Variants in CTNNBIP1 observed in about 807,000 individuals in gnomAD.
The protein encoded by CTNNBIP1 is catenin beta interacting protein 1, also known as beta-catenin-interacting protein 1.
In CTNNBIP1, 7 loss-of-function variants were observed where a neutral mutation model predicts 11.8. The observed-to-expected ratio is 0.60, with a 90% CI of 0.34 to 1.12. CTNNBIP1 has a LOEUF of 1.12. Ranked by LOEUF, CTNNBIP1 falls within the 50% of genes most tolerant of loss-of-function variation. The pLI is 0.03. For missense variants in CTNNBIP1, 101 were observed against 113.4 expected, an observed-to-expected ratio of 0.89 and a Z score of 0.50; for synonymous variants, 58 against 43.9, an observed-to-expected ratio of 1.32 and a Z score of -1.26.
Position 9,871,203 on chromosome 1 carries a change from C to A in CTNNBIP1, c.171G>T (p.Pro57=), listed in dbSNP as rs1365621139. ...CCAACTCACCCTGGTCGATGGAGTG[C>A]GGAGGCAGCTGGCTGAGCTGGCTGT... ...VVNSQLSQLP[P]HSIDQGAEDV... Residue 57 remains proline, a synonymous_variant, in exon 5 of 6, where the codon CCG becomes CCT. Coordinates refer to ENST00000377263, the MANE Select transcript of CTNNBIP1 (RefSeq NM_020248.3). The surrounding 1 kb of genome is among the most constrained non-coding windows in gnomAD (Gnocchi z 5.2). The A allele has an allele frequency of 6.3e-7, 1 of 1,576,536 alleles. No homozygotes were observed. Among genetic ancestry groups the A allele is most frequent in the South Asian group, 1.2e-5 (1 of 85,734 alleles).
intron 1 of CTNNBIP1, among the ~76,000 whole-genome samples, chr1:9,887,773 C>G (rs1639215390): frequency 6.6e-6 from 1 of 152,044 alleles, no homozygotes; most frequent in Non-Finnish European, 1.5e-5. Flanking sequence ...AACCCACTGC[C>G]AATCAGAGAT....
At chr1:9,874,631 C>T (rs759784386) in intron 3 of CTNNBIP1, among the ~76,000 whole-genome samples, 1 of 152,198 alleles carries the variant, frequency 6.6e-6, no homozygotes, top group Non-Finnish European at 1.5e-5. Context: ...AAGGCCAGGG[C>T]CCCCTCTGCT....
In CTNNBIP1 at chr1:9,899,023, G is replaced by A. The variant is rs554051250; in HGVS notation, c.-144+11072C>T. On this transcript the variant is annotated intron_variant, in intron 1 of 5. Coordinates refer to ENST00000377263, the MANE Select transcript of CTNNBIP1 (RefSeq NM_020248.3). ...CGTAGGTTTTTGGGGAACAGGTGGT[G>A]TTTGGTTACATGAGTAAGTTCTTTA... Among the ~76,000 whole-genome samples the A allele has an allele frequency of 3.3e-5, 5 of 152,262 alleles. No homozygotes were observed. The South Asian group carries it at 6.2e-4, about 19-fold the overall frequency.
chr1:9,862,840 TGG>T (rs1024199300), intron 5 of CTNNBIP1, among the ~76,000 whole-genome samples: 3 of 152,114 alleles, frequency 2.0e-5, no homozygotes, highest in African/African-American at 7.2e-5. Context: ...TGCTGAGGGG[TGG>T]CACCGTGCCT....
chr1:9,882,369 C>T lies in CTNNBIP1; in HGVS notation c.-110+1336G>A, dbSNP rs140974282. Among the ~76,000 whole-genome samples the T allele has an allele frequency of 5.5e-4, 84 of 152,288 alleles. 2 individuals are homozygous for T. The highest frequency in any genetic ancestry group is 7.8e-4 in the Admixed American group (12 of 15,296). On this transcript the variant is annotated intron_variant, in intron 2 of 5. Coordinates refer to ENST00000377263, the MANE Select transcript of CTNNBIP1 (RefSeq NM_020248.3). ...GGAGACAGACACCAGTCAAGTCACC[C>T]AGATCAATGATCTCAGACACTGAGA...
chr1:9,871,310 C>G lies in CTNNBIP1; in HGVS notation c.97-33G>C. On this transcript the variant is annotated intron_variant, in intron 4 of 5. Coordinates refer to ENST00000377263, the MANE Select transcript of CTNNBIP1 (RefSeq NM_020248.3). The surrounding 1 kb of genome is among the most constrained non-coding windows in gnomAD (Gnocchi z 5.2). ...GTGAGAGAGCTGTGGTGAGGGGCAGCATGCACCTGTTCCCTGAAAGGCACC... is the reference window on the plus strand; with the variant it reads ...GTGAGAGAGCTGTGGTGAGGGGCAGGATGCACCTGTTCCCTGAAAGGCACC... 6.7e-7 allele frequency: 1 copy of G among 1,491,364 alleles called. No individual in the cohort carries two copies. The highest frequency in any genetic ancestry group is 9.1e-7 in the Non-Finnish European group (1 of 1,094,028). 92.4% of individuals were successfully genotyped at this position (1,491,364 alleles called of 1,614,324 possible). A position where few individuals can be genotyped will look rare whatever the true frequency, so the allele number is the denominator to read the frequency against.
At chr1:9,858,382 CCA>C (rs1638552840) in intron 5 of CTNNBIP1, among the ~76,000 whole-genome samples, 1 of 152,174 alleles carries the variant, frequency 6.6e-6, no homozygotes, top group South Asian at 2.1e-4. Flanking sequence ...CCTGCAGGAC[CCA>C]CACACGCTGG....
At chr1:9,887,576 G>A (rs761146994) in intron 1 of CTNNBIP1, among the ~76,000 whole-genome samples, 2 of 151,902 alleles carry the variant, frequency 1.3e-5, no homozygotes, top group Non-Finnish European at 2.9e-5. Context: ...GGTGGCACAC[G>A]CCTGTAATCC....
At chr1:9,887,752 G>T (rs975142154) in intron 1 of CTNNBIP1, among the ~76,000 whole-genome samples, 1 of 151,716 alleles carries the variant, frequency 6.6e-6, no homozygotes, top group Non-Finnish European at 1.5e-5. Flanking sequence ...AAAGAAAAAC[G>T]GCTAGAGTCC....
chr1:9,866,003 A>G (rs1638736818), intron 5 of CTNNBIP1, among the ~76,000 whole-genome samples: 1 of 152,184 alleles, frequency 6.6e-6, no homozygotes, highest in Admixed American at 6.5e-5. Flanking sequence ...GTTCAAAGCC[A>G]AGTCTCTCTG....
rs1389869616 is a variant in CTNNBIP1 at position 9,848,953 on chromosome 1, C to T, written c.*1765G>A. 1 of 152,232 alleles carries T rather than the reference C, an allele frequency of 6.6e-6. No homozygotes were observed. Among genetic ancestry groups the T allele is most frequent in the Non-Finnish European group, 1.5e-5 (1 of 68,064 alleles). The allele number at this position is 152,232 out of a possible 1,614,324, so 9.4% of individuals were successfully genotyped here. A position where few individuals can be genotyped will look rare whatever the true frequency, so the allele number is the denominator to read the frequency against. On this transcript the variant is annotated 3_prime_UTR_variant, in exon 6 of 6. Coordinates refer to ENST00000377263, the MANE Select transcript of CTNNBIP1 (RefSeq NM_020248.3). This position sits in a 1 kb window ranked among gnomAD's most constrained non-coding sequence, Gnocchi z 4.3. ...GTGCACTTCATGACACTCAGGAGCC[C>T]CTACGGCCCGAGCCCCAAGCCCCGA... is the stretch of plus-strand genomic sequence containing the variant.
rs1015941844 is a variant in CTNNBIP1, at chr1:9,851,350, TCTTTTTCTTTTTC to T, written c.188-587_188-575del. Among the ~76,000 whole-genome samples, 11 of 152,006 alleles carry T rather than the reference TCTTTTTCTTTTTC, an allele frequency of 7.2e-5. No homozygotes were observed. Among genetic ancestry groups the T allele is most frequent in the Non-Finnish European group, 1.0e-4 (7 of 68,020 alleles). ...CAGATATGCCCACAATCCTTCTTTT[TCTTTTTCTTTTTC>T]CTTTTTCTTTCTTTTTTTTGTGTGT... is the stretch of plus-strand genomic sequence containing the variant. On this transcript the variant is annotated intron_variant, in intron 5 of 5. Transcript: ENST00000377263. The surrounding 1 kb of genome is among the most constrained non-coding windows in gnomAD (Gnocchi z 4.8).
At chr1:9,895,144 T>C (rs1639385148) in intron 1 of CTNNBIP1, among the ~76,000 whole-genome samples, 1 of 152,000 alleles carries the variant, frequency 6.6e-6, no homozygotes, top group South Asian at 2.1e-4. Context: ...CCTGACCTCA[T>C]GATACGCCCG....
chr1:9,885,502 G>C (rs1036491841), intron 1 of CTNNBIP1, among the ~76,000 whole-genome samples: 3 of 152,136 alleles, frequency 2.0e-5, no homozygotes, highest in Non-Finnish European at 4.4e-5. Flanking sequence ...AAGTTAGCTA[G>C]GTGTGGTGGC....
At chr1:9,889,996 T>C (rs777812597) in intron 1 of CTNNBIP1, among the ~76,000 whole-genome samples, 2 of 152,156 alleles carry the variant, frequency 1.3e-5, no homozygotes, top group Non-Finnish European at 2.9e-5. Flanking sequence ...CCCCCAGCCT[T>C]TGCATGGCCT....
intron 1 of CTNNBIP1, among the ~76,000 whole-genome samples, chr1:9,901,352 G>A (rs1326599752): frequency 6.6e-6 from 1 of 152,170 alleles, no homozygotes; most frequent in African/African-American, 2.4e-5. Context: ...CTTGGAAACT[G>A]GTCCAAGGTT....
intron 1 of CTNNBIP1, among the ~76,000 whole-genome samples, chr1:9,907,864 A>C (rs1364975719): frequency 6.6e-6 from 1 of 152,162 alleles, no homozygotes; most frequent in Non-Finnish European, 1.5e-5. Context: ...AGTCTGTCTC[A>C]TAACTGGTAT....
At chr1:9,865,630 A>G (rs1638728907) in intron 5 of CTNNBIP1, among the ~76,000 whole-genome samples, 1 of 151,902 alleles carries the variant, frequency 6.6e-6, no homozygotes, top group Non-Finnish European at 1.5e-5. Context: ...CAAAAAAACA[A>G]CAAGAAAAAA....
rs993482784 is a variant in CTNNBIP1, at chr1:9,890,122, T to C, written c.-143-6384A>G. Among the ~76,000 whole-genome samples the C allele has an allele frequency of 3.3e-5, 5 of 152,356 alleles. No homozygotes were observed. In the East Asian group the frequency reaches 7.7e-4, roughly 23 times the overall value. On this transcript the variant is annotated intron_variant, in intron 1 of 5. Coordinates refer to ENST00000377263, the MANE Select transcript of CTNNBIP1 (RefSeq NM_020248.3). Reference sequence around the variant, plus strand: ...GGTTTAAAATATTTATCCTTGTGATTCTGGCCCAGATCTCGTTGTCTCTCC... The same window carrying C: ...GGTTTAAAATATTTATCCTTGTGATCCTGGCCCAGATCTCGTTGTCTCTCC...
Sources: allele counts gnomAD v4.1 joint callset (sites outside exome capture counted in the v4.1 genomes callset), GRCh38; gene constraint gnomAD v4.1.1; non-coding constraint Gnocchi (gnomAD v3.1); transcripts MANE v1.5; gene names NCBI Gene and HGNC (gene_info 2026-07-23, HGNC 2026-07-21).